The following TASP1 variants were observed in gnomAD, a reference collection of about 807,000 sequenced individuals.
TASP1 encodes the protein threonine aspartase 1.
Under a neutral mutation model 56.6 loss-of-function variants are expected in TASP1, and 16 were observed. That is an observed-to-expected ratio of 0.28 (90% CI 0.19 to 0.43). The LOEUF (loss-of-function observed/expected upper bound fraction) is 0.43. Ranked by LOEUF, TASP1 falls within the 20% of genes least tolerant of loss-of-function variation. The pLI is 1.00. For synonymous variants in TASP1, 179 were observed against 184.2 expected, an observed-to-expected ratio of 0.97 and a Z score of 0.23; for missense variants, 393 against 511.6, an observed-to-expected ratio of 0.77 and a Z score of 2.24.
chr20:13,493,381 G>C (rs1298321877), intron 10 of TASP1, among the ~76,000 whole-genome samples: 3 of 152,158 alleles, frequency 2.0e-5, no homozygotes, highest in African/African-American at 7.2e-5. Context: ...CTATCCAACT[G>C]GCTGCCAGCA....
intron 4 of TASP1, among the ~76,000 whole-genome samples, chr20:13,607,432 C>A (rs1347191583): frequency 6.6e-6 from 1 of 152,200 alleles, no homozygotes; most frequent in African/African-American, 2.4e-5. Flanking sequence ...GTTTGCAAGG[C>A]TCCAGGGTAT....
downstream of TASP1, among the ~76,000 whole-genome samples, chr20:13,386,578 C>G (rs1291453125): frequency 6.6e-6 from 1 of 152,136 alleles, no homozygotes; most frequent in African/African-American, 2.4e-5. Flanking sequence ...TTCATTCCCT[C>G]CCTTCCTTCT....
chr20:13,515,773 C>G (rs962512487), intron 10 of TASP1, among the ~76,000 whole-genome samples: 2 of 151,974 alleles, frequency 1.3e-5, no homozygotes, highest in African/African-American at 2.4e-5. Context: ...TGACAGCTTG[C>G]CAGTATCAGA....
At chr20:13,155,897 T>C in the TASP1 span, among the ~76,000 whole-genome samples, 1 of 152,180 alleles carries the variant, frequency 6.6e-6, no homozygotes, top group Non-Finnish European at 1.5e-5. Flanking sequence ...TGTTCACAGA[T>C]CTGGGTCAGG....
intron 6 of TASP1, among the ~76,000 whole-genome samples, chr20:13,575,063 C>A (rs35954536): frequency 0.026 from 3,973 of 152,152 alleles, 78 homozygotes; most frequent in Non-Finnish European, 0.04. Context: ...TGTAAAAATT[C>A]TTTACCAAAT....
At chr20:13,152,042 A>G in the TASP1 span, among the ~76,000 whole-genome samples, 2 of 152,178 alleles carry the variant, frequency 1.3e-5, no homozygotes, top group Non-Finnish European at 2.9e-5. Flanking sequence ...AGTTTTATTG[A>G]TCTTCAGAAG....
chr20:13,549,468 T>C (rs914238843), intron 8 of TASP1, among the ~76,000 whole-genome samples: 1 of 151,972 alleles, frequency 6.6e-6, no homozygotes, highest in Non-Finnish European at 1.5e-5. Context: ...ACACATTTGG[T>C]TTTTTTAATG....
intron 10 of TASP1, among the ~76,000 whole-genome samples, chr20:13,506,795 T>C (rs1409439608): frequency 6.6e-6 from 1 of 151,948 alleles, no homozygotes; most frequent in Non-Finnish European, 1.5e-5. Context: ...AAGCTTTTCC[T>C]CTAACATCAG....
At chr20:13,310,895 A>T in the TASP1 span, among the ~76,000 whole-genome samples, 1 of 152,204 alleles carries the variant, frequency 6.6e-6, no homozygotes, top group Non-Finnish European at 1.5e-5. Context: ...GAAGATGTTT[A>T]TCAAAAAATA....
chr20:13,264,724 G>C, the TASP1 span, among the ~76,000 whole-genome samples: 1 of 152,202 alleles, frequency 6.6e-6, no homozygotes, highest in African/African-American at 2.4e-5. Flanking sequence ...GACATTCTTG[G>C]TGTTGGACCA....
the TASP1 span, among the ~76,000 whole-genome samples, chr20:13,328,018 C>A: frequency 6.6e-6 from 1 of 152,146 alleles, no homozygotes; most frequent in Non-Finnish European, 1.5e-5. Context: ...AGTGAACAGA[C>A]AACCTACAGA....
chr20:13,438,568 G>T (rs1828772769), intron 11 of TASP1, among the ~76,000 whole-genome samples: 1 of 152,152 alleles, frequency 6.6e-6, no homozygotes, highest in Admixed American at 6.5e-5. Flanking sequence ...GAAAACCTAG[G>T]CAATACCATT....
At chr20:13,161,693 G>T in the TASP1 span, among the ~76,000 whole-genome samples, 1 of 152,148 alleles carries the variant, frequency 6.6e-6, no homozygotes, top group African/African-American at 2.4e-5. Context: ...AGAAACTATT[G>T]GATTAGCAAT....
At chr20:13,393,187 A>C in intron 13 of TASP1, 1 of 698,050 alleles carries the variant, frequency 1.4e-6, no homozygotes, top group Non-Finnish European at 2.7e-6. Context: ...GGTATCATGG[A>C]AGGATTCATG....
At chr20:13,284,938 T>C in the TASP1 span, among the ~76,000 whole-genome samples, 3 of 152,186 alleles carry the variant, frequency 2.0e-5, no homozygotes, top group South Asian at 2.1e-4. Context: ...CTAGAGAGTA[T>C]ATTTTAGGGA....
intron 7 of TASP1, among the ~76,000 whole-genome samples, chr20:13,563,777 T>C (rs2046426809): frequency 1.3e-5 from 2 of 152,080 alleles, no homozygotes; most frequent in South Asian, 4.2e-4. Context: ...AGTGCTGGGA[T>C]TATAGGCAAG....
At chr20:13,112,819 GA>G in the TASP1 span, among the ~76,000 whole-genome samples, 3 of 152,168 alleles carry the variant, frequency 2.0e-5, no homozygotes, top group African/African-American at 7.2e-5. Context: ...GCCTAGAGTT[GA>G]GTTCTACAGC....
At chr20:13,229,012 C>A in the TASP1 span, among the ~76,000 whole-genome samples, 1 of 152,132 alleles carries the variant, frequency 6.6e-6, no homozygotes, top group East Asian at 1.9e-4. Context: ...TCTACCACTT[C>A]CTGCCCTCAG....
At chr20:13,612,202 T>C (rs778121860) in intron 4 of TASP1, among the ~76,000 whole-genome samples, 5 of 152,152 alleles carry the variant, frequency 3.3e-5, no homozygotes, top group Non-Finnish European at 7.4e-5. Context: ...CAACTCACCT[T>C]TACTAAAAAG....
Sources: gnomAD v4.1 joint callset for allele counts (sites outside exome capture counted in the v4.1 genomes callset) on GRCh38, gnomAD v4.1.1 for gene constraint, MANE v1.5 for transcripts, NCBI Gene and HGNC (gene_info 2026-07-23, HGNC 2026-07-21) for gene names.